The following RIT2 variants were observed in gnomAD, a reference collection of about 807,000 sequenced individuals.
RIT2 encodes GTP-binding protein Rit2.
A neutral mutation model predicts 23.7 loss-of-function variants in RIT2; 24 were observed. The observed-to-expected ratio is 1.01, with a 90% CI of 0.73 to 1.43. The LOEUF (loss-of-function observed/expected upper bound fraction) is 1.43, where lower values mean the gene tolerates loss of function less well. RIT2 is among the 40% of genes most tolerant of loss of function. The pLI is 0.00. For missense variants in RIT2, 236 were observed against 266.9 expected, an observed-to-expected ratio of 0.88 and a Z score of 0.81; for synonymous variants, 107 against 91.1, an observed-to-expected ratio of 1.17 and a Z score of -0.99.
At chr18:42,902,947 T>A (rs993297633) in intron 4 of RIT2, among the ~76,000 whole-genome samples, 1 of 151,928 alleles carries the variant, frequency 6.6e-6, no homozygotes, top group Admixed American at 6.6e-5. Context: ...TGTATTTATA[T>A]ATTATTTACA....
chr18:42,786,254 C>T (rs1913920213), intron 4 of RIT2, among the ~76,000 whole-genome samples: 1 of 152,100 alleles, frequency 6.6e-6, no homozygotes, highest in African/African-American at 2.4e-5. Flanking sequence ...TGAGTTTTAA[C>T]TTTCCTGTAC....
intron 4 of RIT2, among the ~76,000 whole-genome samples, chr18:42,840,363 T>A (rs548122773): frequency 6.6e-6 from 1 of 152,216 alleles, no homozygotes; most frequent in Non-Finnish European, 1.5e-5. Flanking sequence ...CATTTGCTAT[T>A]TCTGGCAACA....
At chr18:42,842,896 T>A (rs779479972) in intron 4 of RIT2, among the ~76,000 whole-genome samples, 2 of 152,158 alleles carry the variant, frequency 1.3e-5, no homozygotes, top group African/African-American at 2.4e-5. Flanking sequence ...GAAAATAATC[T>A]CTTCCAAAAT....
At chr18:42,827,788 G>A (rs746532601) in intron 4 of RIT2, among the ~76,000 whole-genome samples, 3 of 151,694 alleles carry the variant, frequency 2.0e-5, no homozygotes, top group East Asian at 1.9e-4. Context: ...GGCGGATCAC[G>A]AGGTCAGGAA....
chr18:42,986,396 C>A (rs1367663198), intron 2 of RIT2, among the ~76,000 whole-genome samples: 1 of 151,934 alleles, frequency 6.6e-6, no homozygotes, highest in Non-Finnish European at 1.5e-5. Context: ...GAAGGGCAGG[C>A]AAAAGACTTA....
rs532992416 is a variant in RIT2, at chr18:42,978,679, G to T, written c.161-4532C>A. ...GCACACTAGGACTGCATTCTTGGAG[G>T]CATCCACTACCTTAAAATTTATCTC... is the stretch of plus-strand genomic sequence containing the variant. On this transcript the variant is annotated intron_variant, in intron 2 of 4. Transcript: ENST00000326695. Among the ~76,000 whole-genome samples, 5 of 152,182 alleles carry T rather than the reference G, an allele frequency of 3.3e-5. No individual in the cohort carries two copies. In the South Asian group the frequency reaches 1.0e-3, roughly 32 times the overall value.
intron 2 of RIT2, among the ~76,000 whole-genome samples, chr18:42,980,065 C>T (rs1402534804): frequency 6.6e-6 from 1 of 152,094 alleles, no homozygotes; most frequent in African/African-American, 2.4e-5. Context: ...TCTGATGTAA[C>T]CCTTCCTTTG....
intron 2 of RIT2, among the ~76,000 whole-genome samples, chr18:43,024,696 G>A (rs1178792051): frequency 6.8e-6 from 1 of 147,606 alleles, no homozygotes; most frequent in Non-Finnish European, 1.5e-5. Flanking sequence ...GTATCTTCAT[G>A]GAACTCAAAC....
chr18:43,105,498 AAGGG>A (rs1356323189), intron 1 of RIT2, among the ~76,000 whole-genome samples: 9 of 52,216 alleles, frequency 1.7e-4, no homozygotes, highest in East Asian at 1.9e-3. Context: ...GGGAGGAAGA[AAGGG>A]AGGGAGGGAG....
chr18:43,006,766 T>A (rs1014823236), intron 2 of RIT2, among the ~76,000 whole-genome samples: 4 of 151,592 alleles, frequency 2.6e-5, no homozygotes, highest in Admixed American at 2.0e-4. Context: ...AGAGCAAAGC[T>A]AGAGAAGACA....
chr18:43,021,479 C>T (rs1386401256), intron 2 of RIT2, among the ~76,000 whole-genome samples: 1 of 152,002 alleles, frequency 6.6e-6, no homozygotes, highest in Non-Finnish European at 1.5e-5. Flanking sequence ...TATGTCTCCA[C>T]CCAATTCTCA....
At chr18:42,932,563 G>C (rs1204259017) in intron 3 of RIT2, among the ~76,000 whole-genome samples, 1 of 152,064 alleles carries the variant, frequency 6.6e-6, no homozygotes, top group Admixed American at 6.6e-5. Flanking sequence ...CTCATGGCCT[G>C]ATCATAAAAG....
chr18:42,913,707 C>T (rs1264915680), intron 4 of RIT2, among the ~76,000 whole-genome samples: 1 of 151,830 alleles, frequency 6.6e-6, no homozygotes, highest in Non-Finnish European at 1.5e-5. Flanking sequence ...CTAGGGACTG[C>T]AGGGAGGCGC....
intron 1 of RIT2, among the ~76,000 whole-genome samples, chr18:43,108,419 C>T (rs922887501): frequency 5.9e-5 from 9 of 151,900 alleles, no homozygotes; most frequent in African/African-American, 2.2e-4. Context: ...GCCTTCCTCA[C>T]AAGATCAAGG....
chr18:42,928,148 T>C (rs1339782840), intron 3 of RIT2, among the ~76,000 whole-genome samples: 1 of 151,808 alleles, frequency 6.6e-6, no homozygotes, highest in Non-Finnish European at 1.5e-5. Flanking sequence ...GTTCTCCTTA[T>C]GGAAAAAAAA....
chr18:42,765,528 GA>G (rs1421043615), intron 4 of RIT2, among the ~76,000 whole-genome samples: 1 of 152,110 alleles, frequency 6.6e-6, no homozygotes, highest in Admixed American at 6.5e-5. Context: ...CCATATTTAA[GA>G]CAGCCAACTT....
rs755291383 is a variant in RIT2, at chr18:43,049,972, CTTTTTTTTTTTT to C, written c.104-16117_104-16106del. ...CAATGGGTAATTGAGAAGGGATTTCCTTTTTTTTTTTTTTTTTTTTTTTTTTTTTAATGAACG... is the reference window on the plus strand; with the variant it reads ...CAATGGGTAATTGAGAAGGGATTTCCTTTTTTTTTTTTTTTTTAATGAACG... On this transcript the variant is annotated intron_variant, in intron 1 of 4. Transcript: ENST00000326695. 2.6e-4 allele frequency among the ~76,000 whole-genome samples: 17 copies of C among 66,002 alleles called. No individual in the cohort carries two copies. In the East Asian group the frequency reaches 9.2e-3, roughly 36 times the overall value. 43.3% of individuals were successfully genotyped at this position (66,002 alleles called of 152,430 possible).
At chr18:43,101,986 T>C (rs1913695753) in intron 1 of RIT2, among the ~76,000 whole-genome samples, 2 of 152,218 alleles carry the variant, frequency 1.3e-5, no homozygotes, top group Admixed American at 1.3e-4. Flanking sequence ...TCTGTATGTT[T>C]ATTTGCTTTT....
At chr18:42,886,455 T>C (rs1412287395) in intron 4 of RIT2, among the ~76,000 whole-genome samples, 1 of 152,228 alleles carries the variant, frequency 6.6e-6, no homozygotes, top group African/African-American at 2.4e-5. Context: ...ATAACTCAAC[T>C]GCTTTGTTTC....
Sources: allele counts gnomAD v4.1 joint callset (sites outside exome capture counted in the v4.1 genomes callset), GRCh38; gene constraint gnomAD v4.1.1; transcripts MANE v1.5; gene names NCBI Gene and HGNC (gene_info 2026-07-23, HGNC 2026-07-21).